Variants in SMARCC1 observed in about 807,000 individuals in gnomAD.
SMARCC1 encodes the protein SWI/SNF complex subunit SMARCC1.
SMARCC1 carries 43 observed loss-of-function variants against 147.4 expected under a neutral mutation model. That is an observed-to-expected ratio of 0.29 (90% CI 0.23 to 0.38). The LOEUF is 0.38. SMARCC1 is among the 10% of genes least tolerant of loss of function. The pLI is 1.00. For synonymous variants in SMARCC1, 495 were observed against 484.4 expected, an observed-to-expected ratio of 1.02 and a Z score of -0.29; for missense variants, 1,119 against 1,381.1, an observed-to-expected ratio of 0.81 and a Z score of 3.01.
At chr3:47,608,923 T>C (rs1236850901) in intron 26 of SMARCC1, among the ~76,000 whole-genome samples, 2 of 151,110 alleles carry the variant, frequency 1.3e-5, no homozygotes, top group African/African-American at 4.9e-5. Context: ...AAATGTGTGT[T>C]TGTGTGGGGG....
chr3:47,731,586 AC>A (rs1379145501), intron 5 of SMARCC1, among the ~76,000 whole-genome samples: 4 of 152,254 alleles, frequency 2.6e-5, no homozygotes, highest in African/African-American at 9.6e-5. Context: ...TTCTTAAATA[AC>A]AAGACTTGAA....
At chr3:47,613,648 T>C (rs1310087569) in intron 25 of SMARCC1, among the ~76,000 whole-genome samples, 2 of 152,176 alleles carry the variant, frequency 1.3e-5, no homozygotes, top group Non-Finnish European at 2.9e-5. Context: ...CCACTGCTCC[T>C]GGCCAGAACT....
At chr3:47,590,883 G>C in intron 26 of SMARCC1, 46 bp from the exon 27 acceptor site, 1 of 1,503,952 alleles carries the variant, frequency 6.6e-7, no homozygotes, top group Non-Finnish European at 9.0e-7. Flanking sequence ...AGAAAGGGGT[G>C]TAAGAAAGGG....
At position 47,764,191 on chromosome 3, in the gene SMARCC1, C is replaced by G. The variant is rs1210482447; in HGVS notation, c.315+8626G>C. Among the ~76,000 whole-genome samples the G allele has an allele frequency of 6.6e-5, 10 of 152,066 alleles. No individual in the cohort carries two copies. The South Asian group carries it at 1.2e-3, about 19-fold the overall frequency. On this transcript the variant is annotated intron_variant, in intron 2 of 27. Coordinates refer to ENST00000254480, the MANE Select transcript of SMARCC1 (RefSeq NM_003074.4). The stretch of plus-strand genomic sequence containing the variant: ...AGTTGGGACCACAATCACACACCAC[C>G]ATGCACGACTAATTTTTAGTTTTTC...
At chr3:47,635,450 T>C in intron 23 of SMARCC1, 106 bp from the exon 24 acceptor site, 1 of 967,800 alleles carries the variant, frequency 1.0e-6, no homozygotes, top group Non-Finnish European at 1.6e-6. Flanking sequence ...GACAAAGAGA[T>C]GTCAATGCCT....
intron 8 of SMARCC1, among the ~76,000 whole-genome samples, chr3:47,712,062 G>A (rs1424628954): frequency 2.6e-5 from 4 of 152,202 alleles, no homozygotes; most frequent in South Asian, 2.1e-4. Context: ...GAGAAACCCC[G>A]TTTCTACTAA....
At chr3:47,652,949 CTTT>C (rs55872948) in intron 21 of SMARCC1, among the ~76,000 whole-genome samples, 2 of 129,668 alleles carry the variant, frequency 1.5e-5, no homozygotes, top group Non-Finnish European at 3.2e-5. Context: ...GCTTTACTTT[CTTT>C]TTTTTTTTTT....
At chr3:47,634,204 T>C (rs1473315840) in intron 24 of SMARCC1, among the ~76,000 whole-genome samples, 1 of 152,156 alleles carries the variant, frequency 6.6e-6, no homozygotes, top group African/African-American at 2.4e-5. Context: ...AGTATAAATT[T>C]GTAGGATTTC....
At chr3:47,665,938 G>C (rs1025361939) in intron 19 of SMARCC1, among the ~76,000 whole-genome samples, 2 of 151,176 alleles carry the variant, frequency 1.3e-5, no homozygotes, top group African/African-American at 4.9e-5. Flanking sequence ...TTCCATCTCA[G>C]CCTCATAGAT....
chr3:47,718,090 C>T (rs149942764), intron 7 of SMARCC1, among the ~76,000 whole-genome samples: 1 of 137,816 alleles, frequency 7.3e-6, no homozygotes, highest in East Asian at 2.2e-4. Flanking sequence ...CTTGAGCTGT[C>T]TTCATGCCAC....
intron 25 of SMARCC1, among the ~76,000 whole-genome samples, chr3:47,619,370 C>T (rs2032693887): frequency 6.6e-6 from 1 of 152,222 alleles, no homozygotes; most frequent in African/African-American, 2.4e-5. Flanking sequence ...CTGATTAAGT[C>T]CCTGCCCTCA....
At chr3:47,710,626 T>C (rs909249616) in intron 9 of SMARCC1, 57 bp downstream of exon 9, 6 of 1,561,680 alleles carry the variant, frequency 3.8e-6, no homozygotes, top group Non-Finnish European at 5.2e-6. Context: ...GAAGATTTAA[T>C]AACATTTAGG....
At chr3:47,596,387 G>T (rs948310084) in intron 26 of SMARCC1, among the ~76,000 whole-genome samples, 3 of 151,944 alleles carry the variant, frequency 2.0e-5, no homozygotes, top group Non-Finnish European at 2.9e-5. Context: ...GGCCAAGATG[G>T]TGAAACCCCA....
intron 21 of SMARCC1, among the ~76,000 whole-genome samples, chr3:47,651,562 G>A (rs114942951): frequency 1.2e-4 from 18 of 152,254 alleles, no homozygotes; most frequent in African/African-American, 4.3e-4. Flanking sequence ...TACACTGGAT[G>A]CCTACATAGC....
intron 6 of SMARCC1, among the ~76,000 whole-genome samples, chr3:47,725,015 GA>G (rs2034281229): frequency 8.9e-5 from 1 of 11,222 alleles, no homozygotes; most frequent in Non-Finnish European, 1.7e-4. Context: ...CTAGGTAACA[GA>G]AAAAGACTGT....
intron 7 of SMARCC1, among the ~76,000 whole-genome samples, chr3:47,716,574 TA>T (rs767769132): frequency 6.6e-6 from 1 of 152,190 alleles, no homozygotes; most frequent in Non-Finnish European, 1.5e-5. Context: ...TGCCACATCT[TA>T]TTCGATACAT....
intron 1 of SMARCC1, among the ~76,000 whole-genome samples, chr3:47,777,263 G>C (rs1438328603): frequency 7.1e-6 from 1 of 139,926 alleles, no homozygotes; most frequent in Non-Finnish European, 1.6e-5. Flanking sequence ...TTGTATTTTT[G>C]GTAGAGACGG....
chr3:47,596,628 A>G (rs570629466), intron 26 of SMARCC1, among the ~76,000 whole-genome samples: 1 of 151,808 alleles, frequency 6.6e-6, no homozygotes, highest in African/African-American at 2.4e-5. Flanking sequence ...GGGTCTTGCT[A>G]CGTTGCCCAG....
intron 6 of SMARCC1, among the ~76,000 whole-genome samples, chr3:47,724,836 G>T (rs2034279391): frequency 6.6e-6 from 1 of 152,002 alleles, no homozygotes; most frequent in Non-Finnish European, 1.5e-5. Flanking sequence ...GAGGCAGGAG[G>T]ATCACTTGAG....
Sources: allele counts gnomAD v4.1 joint callset (sites outside exome capture counted in the v4.1 genomes callset), GRCh38; gene constraint gnomAD v4.1.1; transcripts MANE v1.5; gene names NCBI Gene and HGNC (gene_info 2026-07-23, HGNC 2026-07-21).